Variants in DCC observed in about 807,000 individuals in gnomAD.
DCC encodes DCC netrin 1 receptor, also known as netrin receptor DCC.
Under a neutral mutation model 172.5 loss-of-function variants are expected in DCC, and 58 were observed. The observed-to-expected ratio is 0.34, with a 90% CI of 0.27 to 0.42. The LOEUF (loss-of-function observed/expected upper bound fraction) is 0.42, where lower values mean the gene tolerates loss of function less well. DCC is among the 10% of genes least tolerant of loss of function. The pLI, the probability that DCC is intolerant of heterozygous loss-of-function variation, is 1.00. For missense variants in DCC, 1,740 were observed against 1,791.0 expected, an observed-to-expected ratio of 0.97 and a Z score of 0.51; for synonymous variants, 709 against 644.5, an observed-to-expected ratio of 1.10 and a Z score of -1.52.
At position 52,711,092 on chromosome 18, in the gene DCC, A is replaced by T. The variant is rs80282974; in HGVS notation, c.92-40962A>T. Reference sequence around the variant, plus strand: ...TTGATTGTATGACTATCTATATGCCAGTCATTTTACACTGCGACTTTATAT... The same window carrying T: ...TTGATTGTATGACTATCTATATGCCTGTCATTTTACACTGCGACTTTATAT... On this transcript the variant is annotated intron_variant, in intron 1 of 28. Transcript: ENST00000442544. Among the ~76,000 whole-genome samples the T allele has an allele frequency of 0.015, 2,229 of 152,330 alleles. 76 individuals are homozygous for T. The East Asian group carries it at 0.16, about 11-fold the overall frequency.
At chr18:53,426,245 A>C (rs1403444543) in intron 21 of DCC, among the ~76,000 whole-genome samples, 1 of 145,622 alleles carries the variant, frequency 6.9e-6, no homozygotes, top group Non-Finnish European at 1.5e-5. Flanking sequence ...CTGTGTATTT[A>C]TATATTTATA....
intron 25 of DCC, chr18:53,481,158 C>T (rs542357170): frequency 1.3e-5 from 2 of 152,114 alleles, no homozygotes; most frequent in African/African-American, 4.8e-5. Flanking sequence ...AGAGACATAC[C>T]ATCATTTCTG....
chr18:53,468,358 ATTTAT>A (rs202225253), intron 25 of DCC, among the ~76,000 whole-genome samples: 27 of 27,776 alleles, frequency 9.7e-4, no homozygotes, highest in African/African-American at 2.1e-3. Flanking sequence ...TTATTTATTT[ATTTAT>A]TTTATTTATT....
chr18:52,569,542 T>C (rs974112855), intron 1 of DCC, among the ~76,000 whole-genome samples: 1 of 152,220 alleles, frequency 6.6e-6, no homozygotes, highest in Non-Finnish European at 1.5e-5. Flanking sequence ...TATACTCCTA[T>C]GTAGAAGCTT....
At chr18:52,950,343 T>C (rs1278674693) in intron 5 of DCC, among the ~76,000 whole-genome samples, 2 of 152,222 alleles carry the variant, frequency 1.3e-5, no homozygotes, top group East Asian at 1.9e-4. Context: ...GGGTGTGTCA[T>C]GCAGCCAGGC....
chr18:53,372,754 T>A (rs2058071989), intron 15 of DCC, among the ~76,000 whole-genome samples: 1 of 133,856 alleles, frequency 7.5e-6, no homozygotes, highest in South Asian at 2.4e-4. Flanking sequence ...TGCTGGTGTG[T>A]CTAATCCCAA....
In DCC at chr18:52,644,304, T is replaced by C. The variant is rs556890125; in HGVS notation, c.92-107750T>C. 1.2e-3 allele frequency among the ~76,000 whole-genome samples: 181 copies of C among 152,118 alleles called. 3 individuals are homozygous for C. Among genetic ancestry groups the C allele is most frequent in the African/African-American group, 4.2e-3 (176 of 41,522 alleles). ...TAAAAGTTAGTGTGTAGAGGCTGGG[T>C]GTGATGGCTCACGCCTGTAATCCCA... On this transcript the variant is annotated intron_variant, in intron 1 of 28. Coordinates refer to ENST00000442544, the MANE Select transcript of DCC (RefSeq NM_005215.4).
intron 12 of DCC, among the ~76,000 whole-genome samples, chr18:53,238,255 TGGGTTCTA>T (rs1353695284): frequency 1.3e-5 from 2 of 152,154 alleles, no homozygotes; most frequent in Non-Finnish European, 2.9e-5. Context: ...TACGTAGTGT[TGGGTTCTA>T]GGTGAATCAT....
intron 1 of DCC, among the ~76,000 whole-genome samples, chr18:52,376,701 G>A (rs1985363772): frequency 6.6e-6 from 1 of 152,022 alleles, no homozygotes; most frequent in African/African-American, 2.4e-5. Flanking sequence ...ATCTACTGGG[G>A]CTAAAGTTCC....
At chr18:53,283,767 CAT>C (rs2056900897) in intron 12 of DCC, among the ~76,000 whole-genome samples, 1 of 152,160 alleles carries the variant, frequency 6.6e-6, no homozygotes, top group Admixed American at 6.5e-5. Context: ...AAACAAAGAA[CAT>C]GTGTCATGAT....
chr18:52,652,748 G>C (rs1169169185), intron 1 of DCC, among the ~76,000 whole-genome samples: 1 of 151,954 alleles, frequency 6.6e-6, no homozygotes, highest in African/African-American at 2.4e-5. Flanking sequence ...GTGGGTGGAG[G>C]AGGAGTGGTT....
intron 7 of DCC, among the ~76,000 whole-genome samples, chr18:53,097,909 A>G (rs1393145021): frequency 6.6e-6 from 1 of 151,996 alleles, no homozygotes; most frequent in Non-Finnish European, 1.5e-5. Flanking sequence ...ACTTAACCTT[A>G]ATTACCTCCT....
At chr18:53,313,011 AGGAAGAAAGG>A (rs2057297118) in intron 13 of DCC, among the ~76,000 whole-genome samples, 2 of 130,712 alleles carry the variant, frequency 1.5e-5, no homozygotes, top group Admixed American at 7.9e-5. Flanking sequence ...GAAGGAAGGG[AGGAAGAAAGG>A]AAGGGAAGAA....
At chr18:53,048,862 T>C (rs993386062) in intron 5 of DCC, among the ~76,000 whole-genome samples, 2 of 151,964 alleles carry the variant, frequency 1.3e-5, no homozygotes, top group Non-Finnish European at 2.9e-5. Flanking sequence ...TTTGACTTTT[T>C]AATAATAGTC....
At chr18:53,513,346 C>T (rs192718921) in intron 27 of DCC, among the ~76,000 whole-genome samples, 78 of 152,236 alleles carry the variant, frequency 5.1e-4, no homozygotes, top group Non-Finnish European at 8.7e-4. Flanking sequence ...CGGTACCAGC[C>T]GCTGCAAAAT....
At chr18:52,348,941 G>T (rs891343272) in intron 1 of DCC, among the ~76,000 whole-genome samples, 9 of 152,164 alleles carry the variant, frequency 5.9e-5, no homozygotes, top group African/African-American at 2.2e-4. Context: ...GAAGCAGGAT[G>T]CTGGGATGCC....
chr18:53,231,233 C>G (rs2056117010), intron 12 of DCC, among the ~76,000 whole-genome samples: 1 of 152,030 alleles, frequency 6.6e-6, no homozygotes, highest in African/African-American at 2.4e-5. Flanking sequence ...AAGTATCTAT[C>G]ATGCTGTCAC....
chr18:53,186,376 C>T lies in DCC; in HGVS notation c.1573+7260C>T, dbSNP rs572100935. On this transcript the variant is annotated intron_variant, in intron 9 of 28. Transcript: ENST00000442544. ...TTATATGCCCTACTAAACGTGAAAG[C>T]GGTTGGTTTGCTAAGCTGAATTAGA... Among the ~76,000 whole-genome samples the T allele has an allele frequency of 2.6e-5, 4 of 152,228 alleles. No homozygotes were observed. In the South Asian group the frequency reaches 6.2e-4, roughly 24 times the overall value.
chr18:53,441,092 T>C (rs1347643356), intron 22 of DCC, among the ~76,000 whole-genome samples: 3 of 152,204 alleles, frequency 2.0e-5, no homozygotes, highest in Non-Finnish European at 4.4e-5. Context: ...TCTGTAGACA[T>C]TGCCAAATTT....
Sources: allele counts gnomAD v4.1 joint callset (sites outside exome capture counted in the v4.1 genomes callset), GRCh38; gene constraint gnomAD v4.1.1; transcripts MANE v1.5; gene names NCBI Gene and HGNC (gene_info 2026-07-23, HGNC 2026-07-21).